The following AKAP7 variants were observed in gnomAD, a reference collection of about 807,000 sequenced individuals.
The protein encoded by AKAP7 is A-kinase anchoring protein 7.
In AKAP7, 39 loss-of-function variants were observed where a neutral mutation model predicts 39.5. The observed-to-expected ratio is 0.99, with a 90% CI of 0.76 to 1.29. The LOEUF (loss-of-function observed/expected upper bound fraction) is 1.29. Ranked by LOEUF, AKAP7 falls within the 50% of genes most tolerant of loss-of-function variation. AKAP7 has a pLI of 0.00. For synonymous variants in AKAP7, 140 were observed against 139.1 expected, an observed-to-expected ratio of 1.01 and a Z score of -0.05; for missense variants, 414 against 407.7, an observed-to-expected ratio of 1.02 and a Z score of -0.13.
chr6:131,262,849 A>G (rs924113793), intron 7 of AKAP7, among the ~76,000 whole-genome samples: 3 of 152,226 alleles, frequency 2.0e-5, no homozygotes, highest in African/African-American at 7.2e-5. Flanking sequence ...ATCCATATTA[A>G]TGATATCCAC....
chr6:131,242,722 T>G (rs1165227011), intron 7 of AKAP7, among the ~76,000 whole-genome samples: 1 of 152,122 alleles, frequency 6.6e-6, no homozygotes, highest in Non-Finnish European at 1.5e-5. Flanking sequence ...AGCTCCATTC[T>G]TCTTCCTAGT....
At chr6:131,249,016 C>T (rs1032547388) in intron 7 of AKAP7, among the ~76,000 whole-genome samples, 4 of 151,980 alleles carry the variant, frequency 2.6e-5, no homozygotes, top group African/African-American at 9.7e-5. Flanking sequence ...CTCTTTAAAC[C>T]AAGGTAAAAT....
chr6:131,253,829 C>T (rs546155033), intron 7 of AKAP7, among the ~76,000 whole-genome samples: 7 of 152,156 alleles, frequency 4.6e-5, no homozygotes, highest in African/African-American at 1.4e-4. Flanking sequence ...ATGGCTGAAT[C>T]GTATTCCATA....
rs181606490 is a variant in AKAP7 at position 131,193,196 on chromosome 6, T to C, written c.590-6265T>C. 1.9e-3 allele frequency among the ~76,000 whole-genome samples: 294 copies of C among 152,276 alleles called. 1 individual carries two copies. Among genetic ancestry groups the C allele is most frequent in the Non-Finnish European group, 4.3e-4 (29 of 67,986 alleles). ...AGGCTTTCAGTTTTTCCTTATTCAG[T>C]ATGATACGAGATGTGGATCTATTGT... On this transcript the variant is annotated intron_variant, in intron 5 of 7. Transcript: ENST00000431975.
upstream of AKAP7, among the ~76,000 whole-genome samples, chr6:131,134,021 G>A (rs1800388608): frequency 6.6e-6 from 1 of 152,166 alleles, no homozygotes; most frequent in Admixed American, 6.5e-5. Context: ...GTCCACACTG[G>A]AGTGCAATGG....
intron 5 of AKAP7, 62 bp downstream of exon 5, chr6:131,169,335 T>G: frequency 6.4e-7 from 1 of 1,551,658 alleles, no homozygotes; most frequent in Non-Finnish European, 8.8e-7. Context: ...TTTTCAATTT[T>G]GTAACAGAGA....
intron 5 of AKAP7, 92 bp downstream of exon 5, chr6:131,169,365 A>G: frequency 7.2e-7 from 1 of 1,396,442 alleles, no homozygotes; most frequent in Non-Finnish European, 1.0e-6. Context: ...TTTAAATTTT[A>G]AAAGATGATG....
intron 7 of AKAP7, among the ~76,000 whole-genome samples, chr6:131,226,283 T>G (rs1205030256): frequency 1.3e-5 from 2 of 152,238 alleles, no homozygotes; most frequent in Admixed American, 1.3e-4. Context: ...CTTCTGCCAT[T>G]GTATACCTTT....
rs1367120493 is a variant in AKAP7 at position 131,207,517 on chromosome 6, T to TTTTTTTTTTTTTTTA, written c.702+7944_702+7945insTTTTTTTTTTTTTTA. ...TTTTTTTTTTTTTTTTTTTTTTTTT[T>TTTTTTTTTTTTTTTA]AGATATGGGGTGTTGCTATGTTGCC... On this transcript the variant is annotated intron_variant, in intron 6 of 7. Coordinates refer to ENST00000431975, the MANE Select transcript of AKAP7 (RefSeq NM_016377.4). Among the ~76,000 whole-genome samples the TTTTTTTTTTTTTTTA allele has an allele frequency of 5.3e-4, 75 of 141,652 alleles. 1 individual carries two copies. The highest frequency in any genetic ancestry group is 2.0e-3 in the African/African-American group (74 of 36,726). The allele number at this position is 141,652 out of a possible 152,430, so 92.9% of individuals were successfully genotyped here. A position where few individuals can be genotyped will look rare whatever the true frequency, so the allele number is the denominator to read the frequency against.
intron 3 of AKAP7, among the ~76,000 whole-genome samples, chr6:131,161,835 G>GA (rs1335479417): frequency 2.0e-5 from 3 of 152,088 alleles, no homozygotes; most frequent in Non-Finnish European, 2.9e-5. Context: ...CTCAGGGAGT[G>GA]AAAGGTGCTG....
chr6:131,277,217 TG>T (rs1469760672), intron 7 of AKAP7, among the ~76,000 whole-genome samples: 2 of 152,220 alleles, frequency 1.3e-5, no homozygotes, highest in Admixed American at 1.3e-4. Flanking sequence ...GTGCTGTGTT[TG>T]ATGTGCTTAA....
At position 131,224,912 on chromosome 6, in the gene AKAP7, G is replaced by A. The variant is rs191293890; in HGVS notation, c.850+5104G>A. 1.2e-4 allele frequency among the ~76,000 whole-genome samples: 18 copies of A among 150,978 alleles called. 1 individual carries two copies. Among genetic ancestry groups the A allele is most frequent in the African/African-American group, 2.9e-4 (12 of 41,142 alleles). Reference sequence around the variant, plus strand: ...ACTACAAGTGTGCGCCACCATGCCCGGCTAATTTTTTTTTTAATATTTTTA... The same window carrying A: ...ACTACAAGTGTGCGCCACCATGCCCAGCTAATTTTTTTTTTAATATTTTTA... On this transcript the variant is annotated intron_variant, in intron 7 of 7. Coordinates refer to ENST00000431975, the MANE Select transcript of AKAP7 (RefSeq NM_016377.4).
chr6:131,146,138 A>G (rs1801468847), intron 2 of AKAP7, among the ~76,000 whole-genome samples: 1 of 152,212 alleles, frequency 6.6e-6, no homozygotes, highest in African/African-American at 2.4e-5. Flanking sequence ...ATCAGTGAAC[A>G]AGATGGGCAT....
chr6:131,222,378 C>T (rs1188054159), intron 7 of AKAP7, among the ~76,000 whole-genome samples: 1 of 151,814 alleles, frequency 6.6e-6, no homozygotes, highest in African/African-American at 2.4e-5. Context: ...GCAAAAAATA[C>T]TAGCCGGGCG....
At chr6:131,239,269 A>G (rs1811330042) in intron 7 of AKAP7, among the ~76,000 whole-genome samples, 2 of 152,248 alleles carry the variant, frequency 1.3e-5, no homozygotes, top group Admixed American at 6.5e-5. Context: ...GTGTCTGCCA[A>G]GACGTCAGCT....
chr6:131,180,817 CTTTT>C (rs1562190122), intron 5 of AKAP7, among the ~76,000 whole-genome samples: 12 of 102,038 alleles, frequency 1.2e-4, no homozygotes, highest in Admixed American at 2.0e-4. Flanking sequence ...ACACCACTTT[CTTTT>C]TTTGTTTGTT....
intron 7 of AKAP7, among the ~76,000 whole-genome samples, chr6:131,264,393 T>C (rs1469571851): frequency 6.6e-6 from 1 of 152,204 alleles, no homozygotes; most frequent in African/African-American, 2.4e-5. Flanking sequence ...GAGTAGCTCT[T>C]CTCTTTACCT....
At chr6:131,247,264 C>CATATGTATATATAT (rs1812072072) in intron 7 of AKAP7, among the ~76,000 whole-genome samples, 1 of 53,788 alleles carries the variant, frequency 1.9e-5, no homozygotes, top group Non-Finnish European at 3.3e-5. Flanking sequence ...TGACACATTT[C>CATATGTATATATAT]ATATGTATAT....
rs1562263721 is a variant in AKAP7, at chr6:131,281,711, G to A, written c.1032G>A (p.Glu344=). The A allele has an allele frequency of 6.2e-7, 1 of 1,605,828 alleles. No individual in the cohort carries two copies. The highest frequency in any genetic ancestry group is 8.5e-7 in the Non-Finnish European group (1 of 1,176,194). Residue 344 remains glutamate (E), a synonymous_variant, in exon 8 of 8, where the codon GAG becomes GAA. Transcript: ENST00000431975. The surrounding 1 kb of genome is among the most constrained non-coding windows in gnomAD (Gnocchi z 4.0). ...CTGATCAGAATGGCAATGACAATGA[G>A]AACAACAGGAAATGAGCCCGGAACG... The part of the protein sequence containing the change: ...EAADQNGNDN[E]NNRK
Sources: allele counts gnomAD v4.1 joint callset (sites outside exome capture counted in the v4.1 genomes callset), GRCh38; gene constraint gnomAD v4.1.1; non-coding constraint Gnocchi (gnomAD v3.1); transcripts MANE v1.5; gene names NCBI Gene and HGNC (gene_info 2026-07-23, HGNC 2026-07-21).